Variants in MED13 observed in about 807,000 individuals in gnomAD.
The protein encoded by MED13 is mediator complex subunit 13.
In MED13, 23 loss-of-function variants were observed where a neutral mutation model predicts 225.2. The ratio of observed to expected loss-of-function variants is 0.10; its 90% CI spans 0.07 to 0.14. The LOEUF is 0.14. MED13 is among the 10% of genes least tolerant of loss of function. The pLI is 1.00. For missense variants in MED13, 2,197 were observed against 2,594.5 expected, an observed-to-expected ratio of 0.85 and a Z score of 3.33; for synonymous variants, 942 against 889.2, an observed-to-expected ratio of 1.06 and a Z score of -1.06.
rs559405689 is a variant in MED13, at chr17:62,034,255, CG to C, written c.617-272del. Reference sequence around the variant, plus strand: ...ATCCCAGCATTTTGGGAGGCTGAGGCGGGTGGATCACCTGAGGTCAGGAGTT... The same window carrying C: ...ATCCCAGCATTTTGGGAGGCTGAGGCGGTGGATCACCTGAGGTCAGGAGTT... On this transcript the variant is annotated intron_variant, in intron 4 of 29. Coordinates refer to ENST00000397786, the MANE Select transcript of MED13 (RefSeq NM_005121.3). Among the ~76,000 whole-genome samples, 262 of 152,116 alleles carry C rather than the reference CG, an allele frequency of 1.7e-3. 1 individual carries two copies. Among genetic ancestry groups the C allele is most frequent in the Middle Eastern group, 3.4e-3 (1 of 294 alleles).
chr17:62,033,511 C>T (rs1391444524), intron 5 of MED13, among the ~76,000 whole-genome samples: 1 of 152,222 alleles, frequency 6.6e-6, no homozygotes, highest in Non-Finnish European at 1.5e-5. Context: ...AGTACACTTA[C>T]ATGGTTAGGT....
chr17:61,991,089 A>G (rs1214417016), intron 11 of MED13, among the ~76,000 whole-genome samples: 1 of 152,122 alleles, frequency 6.6e-6, no homozygotes, highest in African/African-American at 2.4e-5. Context: ...ATCATAGTTG[A>G]GCTTATTCTA....
At chr17:61,980,851 CTCT>C (rs2080197811) in intron 16 of MED13, among the ~76,000 whole-genome samples, 1 of 149,236 alleles carries the variant, frequency 6.7e-6, no homozygotes, top group Non-Finnish European at 1.5e-5. Context: ...CAAGCAACTC[CTCT>C]GCCTTGGCCT....
At chr17:62,021,698 G>A (rs971909784) in intron 8 of MED13, among the ~76,000 whole-genome samples, 8 of 152,208 alleles carry the variant, frequency 5.3e-5, no homozygotes. Context: ...TCTCAGATCA[G>A]TGAAATCACA....
chr17:62,000,956 G>T (rs1186988215), intron 9 of MED13, among the ~76,000 whole-genome samples: 1 of 152,006 alleles, frequency 6.6e-6, no homozygotes, highest in African/African-American at 2.4e-5. Context: ...TAGAGACAGG[G>T]TTTCACCATG....
chr17:62,052,740 A>G, intron 2 of MED13, 35 bp from the exon 3 acceptor site: 7 of 1,502,164 alleles, frequency 4.7e-6, no homozygotes, highest in Non-Finnish European at 6.3e-6. Context: ...TAAAATAGTG[A>G]CACTATAATC....
chr17:62,042,770 T>G (rs960239374), intron 3 of MED13, among the ~76,000 whole-genome samples: 4 of 152,100 alleles, frequency 2.6e-5, no homozygotes, highest in African/African-American at 9.7e-5. Context: ...ATATTTTTCA[T>G]GCCTAAAATG....
chr17:62,000,387 T>C (rs1012736393), intron 9 of MED13, among the ~76,000 whole-genome samples: 3 of 152,216 alleles, frequency 2.0e-5, no homozygotes, highest in Non-Finnish European at 2.9e-5. Context: ...GTTTCAGACA[T>C]GATCCCAACC....
At chr17:62,053,516 T>C (rs2080973273) in intron 2 of MED13, among the ~76,000 whole-genome samples, 1 of 152,228 alleles carries the variant, frequency 6.6e-6, no homozygotes, top group African/African-American at 2.4e-5. Context: ...TTTTTTTGTG[T>C]ACTCTATCCA....
At chr17:61,976,542 G>T (rs1196957191) in intron 16 of MED13, among the ~76,000 whole-genome samples, 1 of 152,302 alleles carries the variant, frequency 6.6e-6, no homozygotes, top group East Asian at 1.9e-4. Flanking sequence ...TGGGTGAATT[G>T]TATGGTATTC....
chr17:61,974,308 G>A (rs1383015370), intron 16 of MED13, among the ~76,000 whole-genome samples: 3 of 151,918 alleles, frequency 2.0e-5, no homozygotes, highest in Non-Finnish European at 4.4e-5. Context: ...GGAGACTGAA[G>A]TGGGAGGATC....
At chr17:62,055,500 G>C in intron 2 of MED13, among the ~76,000 whole-genome samples, 1 of 151,914 alleles carries the variant, frequency 6.6e-6, no homozygotes, top group Non-Finnish European at 1.5e-5. Flanking sequence ...ATCTATTTTA[G>C]TTAAACTTGC....
At chr17:61,953,218 T>C in intron 26 of MED13, 105 bp from the exon 27 acceptor site, 1 of 1,144,170 alleles carries the variant, frequency 8.7e-7, no homozygotes, top group Non-Finnish European at 1.2e-6. Flanking sequence ...AATGGGTTAA[T>C]TTAACCAACA....
At chr17:62,059,065 G>A (rs1278177551) in intron 2 of MED13, among the ~76,000 whole-genome samples, 1 of 152,128 alleles carries the variant, frequency 6.6e-6, no homozygotes, top group African/African-American at 2.4e-5. Context: ...AAGAAAGTCT[G>A]AGAAACTGTC....
In MED13 at chr17:61,944,645, C is replaced by T. The variant is rs1419839508; in HGVS notation, c.*1823G>A. 6.6e-6 allele frequency: 1 copy of T among 151,920 alleles called. No homozygotes were observed. Among genetic ancestry groups the T allele is most frequent in the Non-Finnish European group, 1.5e-5 (1 of 67,960 alleles). The allele number at this position is 151,920 out of a possible 1,614,324, so 9.4% of individuals were successfully genotyped here. A position where few individuals can be genotyped will look rare whatever the true frequency, so the allele number is the denominator to read the frequency against. On this transcript the variant is annotated 3_prime_UTR_variant, in exon 30 of 30. Transcript: ENST00000397786. ...GTTCATAAGAAAGTGATATTTAATT[C>T]TAAGCACAGAGTATTCACAAAAACA...
At position 61,943,141 on chromosome 17, in the gene MED13, A is replaced by AG. The variant is rs748730114; in HGVS notation, c.*3326dup. The AG allele has an allele frequency of 6.6e-6, 1 of 152,474 alleles. No individual in the cohort carries two copies. The highest frequency in any genetic ancestry group is 1.5e-5 in the Non-Finnish European group (1 of 67,956). The allele number at this position is 152,474 out of a possible 1,614,324, so 9.4% of individuals were successfully genotyped here. ...GTTAAGATTTCCAGCTTATTTCTGG[A>AG]GGGGTGGGACAAAATAAGAATGTAT... On this transcript the variant is annotated 3_prime_UTR_variant, in exon 30 of 30. Transcript: ENST00000397786.
At chr17:61,966,050 T>A (rs1239417428) in intron 19 of MED13, among the ~76,000 whole-genome samples, 1 of 152,220 alleles carries the variant, frequency 6.6e-6, no homozygotes, top group Non-Finnish European at 1.5e-5. Context: ...CAGCTGTCGT[T>A]TTCTTAGCTA....
At chr17:62,015,350 T>C (rs1433409636) in intron 8 of MED13, among the ~76,000 whole-genome samples, 1 of 152,194 alleles carries the variant, frequency 6.6e-6, no homozygotes, top group Non-Finnish European at 1.5e-5. Context: ...CCAAATAAAG[T>C]ATTACATATC....
chr17:62,022,099 C>T (rs1438285277), intron 8 of MED13, among the ~76,000 whole-genome samples: 3 of 150,942 alleles, frequency 2.0e-5, no homozygotes, highest in South Asian at 2.1e-4. Context: ...ACCCAGGAGA[C>T]GGAGGTTGCA....
Sources: gnomAD v4.1 joint callset for allele counts (sites outside exome capture counted in the v4.1 genomes callset) on GRCh38, gnomAD v4.1.1 for gene constraint, MANE v1.5 for transcripts, NCBI Gene and HGNC (gene_info 2026-07-23, HGNC 2026-07-21) for gene names.